The following ARSB variants were observed in gnomAD, a reference collection of about 807,000 sequenced individuals.
The protein encoded by ARSB is arylsulfatase B.
ARSB carries 41 observed loss-of-function variants against 50.9 expected under a neutral mutation model. That is an observed-to-expected ratio of 0.81 (90% CI 0.63 to 1.04). The LOEUF is 1.04. Ranked by LOEUF, ARSB falls within the 50% of genes least tolerant of loss-of-function variation. The pLI is 0.00. For synonymous variants in ARSB, 269 were observed against 284.8 expected (o/e 0.94, Z 0.56); for missense variants, 672 against 693.3 (o/e 0.97, Z 0.35).
chr5:78,966,402 G>T (rs1752207763), intron 2 of ARSB, among the ~76,000 whole-genome samples: 1 of 152,188 alleles, frequency 6.6e-6, no homozygotes, highest in Non-Finnish European at 1.5e-5. Flanking sequence ...AATCTTCTCT[G>T]ATGCTTTATG....
chr5:78,840,393 G>A, intron 5 of ARSB, among the ~76,000 whole-genome samples: 2 of 152,248 alleles, frequency 1.3e-5, no homozygotes, highest in South Asian at 4.1e-4. Flanking sequence ...GTGTCCACAC[G>A]CCAAACTCAC....
At chr5:78,957,630 C>T (rs1751787189) in intron 3 of ARSB, among the ~76,000 whole-genome samples, 1 of 152,176 alleles carries the variant, frequency 6.6e-6, no homozygotes, top group Non-Finnish European at 1.5e-5. Flanking sequence ...ACCTCTGACA[C>T]CATTTCAGTT....
At chr5:78,852,689 T>A (rs1490496172) in intron 5 of ARSB, among the ~76,000 whole-genome samples, 2 of 152,192 alleles carry the variant, frequency 1.3e-5, no homozygotes, top group Non-Finnish European at 2.9e-5. Context: ...CACTTTCAGG[T>A]ACACCAATCA....
intron 5 of ARSB, 110 bp from the exon 6 acceptor site, chr5:78,839,536 C>A: frequency 1.0e-6 from 1 of 971,464 alleles, no homozygotes; most frequent in Non-Finnish European, 1.6e-6. Context: ...TGCCAGTTAA[C>A]AACTCTGTCA....
At chr5:78,984,887 C>T in intron 1 of ARSB, 50 bp downstream of exon 1, 1 of 1,255,136 alleles carries the variant, frequency 8.0e-7, no homozygotes, top group Non-Finnish European at 1.0e-6. Flanking sequence ...CGGCAGGGCG[C>T]CGGCGAAAGG....
chr5:78,816,121 AAC>A (rs1283988335), intron 6 of ARSB: 12 of 1,613,988 alleles, frequency 7.4e-6, no homozygotes, highest in African/African-American at 4.0e-5. Flanking sequence ...CAGTCTGTAA[AAC>A]ACACAAAATG....
At chr5:78,917,152 C>A (rs940783082) in intron 4 of ARSB, among the ~76,000 whole-genome samples, 47 of 152,166 alleles carry the variant, frequency 3.1e-4, no homozygotes, top group African/African-American at 1.1e-3. Flanking sequence ...ATGAAGAGAG[C>A]TCTAGGCAGA....
chr5:78,819,893 C>G (rs1744142234), intron 6 of ARSB, among the ~76,000 whole-genome samples: 1 of 152,270 alleles, frequency 6.6e-6, no homozygotes, highest in South Asian at 2.1e-4. Flanking sequence ...AGAAAACCCA[C>G]TGGTCACCTG....
intron 4 of ARSB, among the ~76,000 whole-genome samples, chr5:78,911,423 A>T (rs1222647579): frequency 6.6e-6 from 1 of 151,546 alleles, no homozygotes; most frequent in Non-Finnish European, 1.5e-5. Flanking sequence ...AAAATACAAA[A>T]ATTAGCCGGG....
intron 5 of ARSB, among the ~76,000 whole-genome samples, chr5:78,856,871 T>A (rs10805923): frequency 0.13 from 19,300 of 152,214 alleles, 1,422 homozygotes; most frequent in Middle Eastern, 0.21. Flanking sequence ...AAGACATCAC[T>A]CTCTCATAAG....
chr5:78,938,418 C>T (rs337841), intron 4 of ARSB, among the ~76,000 whole-genome samples: 88,871 of 152,014 alleles, frequency 0.58, 25,929 homozygotes, highest in East Asian at 0.67. Flanking sequence ...TCTCATTATT[C>T]TGAGGCATGG....
At chr5:78,845,129 G>A (rs997552995) in intron 5 of ARSB, among the ~76,000 whole-genome samples, 1 of 151,796 alleles carries the variant, frequency 6.6e-6, no homozygotes, top group African/African-American at 2.4e-5. Context: ...GAGAACATGT[G>A]GTATTTATCT....
intron 6 of ARSB, among the ~76,000 whole-genome samples, chr5:78,792,498 G>T (rs1197496343): frequency 1.3e-5 from 2 of 152,102 alleles, no homozygotes; most frequent in Non-Finnish European, 2.9e-5. Flanking sequence ...GTAACTCAGA[G>T]AAATCAATCA....
chr5:78,980,804 G>A (rs1208400574), intron 1 of ARSB, among the ~76,000 whole-genome samples: 1 of 151,840 alleles, frequency 6.6e-6, no homozygotes, highest in East Asian at 1.9e-4. Context: ...AAGTTTTTAA[G>A]CCATGTGAAT....
chr5:78,843,502 G>A (rs1745316122), intron 5 of ARSB, among the ~76,000 whole-genome samples: 1 of 152,182 alleles, frequency 6.6e-6, no homozygotes, highest in South Asian at 2.1e-4. Flanking sequence ...TGAGTTCTGA[G>A]TTTCAGCCTG....
At chr5:78,860,715 A>G (rs1323563688) in intron 5 of ARSB, among the ~76,000 whole-genome samples, 1 of 152,246 alleles carries the variant, frequency 6.6e-6, no homozygotes, top group Non-Finnish European at 1.5e-5. Flanking sequence ...AAGAAGCAAG[A>G]GCAAACACAT....
chr5:78,975,118 C>T (rs563363792), intron 1 of ARSB, among the ~76,000 whole-genome samples: 2 of 152,218 alleles, frequency 1.3e-5, no homozygotes. Context: ...CAGCTCTGCA[C>T]TCTCCTGTGC....
intron 4 of ARSB, among the ~76,000 whole-genome samples, chr5:78,920,088 G>A (rs1363627680): frequency 6.6e-6 from 1 of 152,210 alleles, no homozygotes; most frequent in Non-Finnish European, 1.5e-5. Context: ...GATAGGAGGA[G>A]GGAATTTGGA....
At chr5:78,874,476 C>A (rs908554774) in intron 5 of ARSB, among the ~76,000 whole-genome samples, 1 of 151,766 alleles carries the variant, frequency 6.6e-6, no homozygotes, top group Non-Finnish European at 1.5e-5. Flanking sequence ...TGTGACAAAC[C>A]AAATAGTGGA....
Sources: allele counts gnomAD v4.1 joint callset (sites outside exome capture counted in the v4.1 genomes callset), GRCh38; gene constraint gnomAD v4.1.1; transcripts MANE v1.5; gene names NCBI Gene and HGNC (gene_info 2026-07-23, HGNC 2026-07-21).